The following KCNT1 variants were observed in gnomAD, a reference collection of about 807,000 sequenced individuals.
The protein encoded by KCNT1 is potassium channel subfamily T member 1.
Under a neutral mutation model 147.8 loss-of-function variants are expected in KCNT1, and 78 were observed. That is an observed-to-expected ratio of 0.53 (90% CI 0.44 to 0.64). The LOEUF is 0.64. Among genes scored for constraint, KCNT1 ranks in the 30% least tolerant of loss-of-function variants. The pLI is 0.00. For synonymous variants in KCNT1, 867 were observed against 748.8 expected (o/e 1.16, Z -2.58); for missense variants, 1,419 against 1,750.3 (o/e 0.81, Z 3.38).
rs1427095585 is a variant in KCNT1, at chr9:135,793,321, A to C, written c.*1160A>C. On this transcript the variant is annotated 3_prime_UTR_variant, in exon 31 of 31. Coordinates refer to ENST00000371757, the MANE Select transcript of KCNT1 (RefSeq NM_020822.3). Reference sequence around the variant, plus strand: ...CTCGGGAACCAAATTGTATTTGGCTACTGGTGACTGGATCCTGGTAGCCAG... The same window carrying C: ...CTCGGGAACCAAATTGTATTTGGCTCCTGGTGACTGGATCCTGGTAGCCAG... 1 of 152,168 alleles carries C rather than the reference A, an allele frequency of 6.6e-6. No homozygotes were observed. The highest frequency in any genetic ancestry group is 1.5e-5 in the Non-Finnish European group (1 of 68,052). 9.4% of individuals were successfully genotyped at this position (152,168 alleles called of 1,614,324 possible).
chr9:135,781,996 C>A (rs1330078351), intron 24 of KCNT1, among the ~76,000 whole-genome samples: 1 of 152,158 alleles, frequency 6.6e-6, no homozygotes, highest in Non-Finnish European at 1.5e-5. Flanking sequence ...GACGGATCAC[C>A]TGAGGTCAGG....
In KCNT1 at chr9:135,780,991, C is replaced by A. The variant is rs142934538; in HGVS notation, c.2841+1521C>A. ...GGCTTGAAGTTTGGGTCAGCAAGCA[C>A]GCAGCCAACACGCTCCTGCCCGCCT... is the stretch of plus-strand genomic sequence containing the variant. On this transcript the variant is annotated intron_variant, in intron 24 of 30. Transcript: ENST00000371757. Among the ~76,000 whole-genome samples, 220 of 152,214 alleles carry A rather than the reference C, an allele frequency of 1.4e-3. 1 individual carries two copies. The highest frequency in any genetic ancestry group is 5.2e-3 in the African/African-American group (215 of 41,536).
chr9:135,749,810 T>C (rs1444090772), intron 2 of KCNT1, among the ~76,000 whole-genome samples: 1 of 152,218 alleles, frequency 6.6e-6, no homozygotes, highest in East Asian at 1.9e-4. Flanking sequence ...TGCCGCACCC[T>C]GAGCCCCAAC....
chr9:135,721,543 G>A (rs374736228), intron 2 of KCNT1, among the ~76,000 whole-genome samples: 5 of 152,188 alleles, frequency 3.3e-5, no homozygotes, highest in Admixed American at 6.5e-5. Flanking sequence ...GGAGGGTGCC[G>A]GCCATGCGCA....
chr9:135,742,434 C>A (rs1434054199), intron 2 of KCNT1, among the ~76,000 whole-genome samples: 1 of 152,216 alleles, frequency 6.6e-6, no homozygotes, highest in African/African-American at 2.4e-5. Context: ...GGTTGTCACC[C>A]CCCCATCTGG....
At chr9:135,706,086 A>G (rs1194725158) in intron 1 of KCNT1, among the ~76,000 whole-genome samples, 1 of 152,196 alleles carries the variant, frequency 6.6e-6, no homozygotes, top group East Asian at 1.9e-4. Flanking sequence ...CAGCACTGAG[A>G]TGCAGTAGCT....
chr9:135,736,930 G>A (rs1195179400), intron 2 of KCNT1: 5 of 296,812 alleles, frequency 1.7e-5, no homozygotes, highest in Non-Finnish European at 3.1e-5. Flanking sequence ...CCACCACAGC[G>A]CCCTGCTTCC....
chr9:135,761,270 C>T (rs192501488), intron 11 of KCNT1, among the ~76,000 whole-genome samples: 74 of 152,296 alleles, frequency 4.9e-4, no homozygotes, highest in Admixed American at 2.4e-3. Context: ...GTGTAAAGCT[C>T]GCCTCTCACC....
intron 2 of KCNT1, among the ~76,000 whole-genome samples, chr9:135,719,660 G>T (rs916841269): frequency 6.6e-6 from 1 of 152,204 alleles, no homozygotes; most frequent in Admixed American, 6.5e-5. Context: ...CATGAGAGGT[G>T]CCAGGAAGGC....
At chr9:135,779,557 C>G in intron 24 of KCNT1, 87 bp downstream of exon 24, 3 of 1,020,804 alleles carry the variant, frequency 2.9e-6, no homozygotes, top group South Asian at 1.3e-5. Context: ...GGGCCAGTGC[C>G]ATGGGAGGCT....
In KCNT1 at chr9:135,782,011, C is replaced by T. The variant is rs537249954; in HGVS notation, c.2842-2013C>T. On this transcript the variant is annotated intron_variant, in intron 24 of 30. Transcript: ENST00000371757. ...GACGGATCACCTGAGGTCAGGAGTTCGAGACCAGGCTGGCCAACATGGAGA... is the reference window on the plus strand; with the variant it reads ...GACGGATCACCTGAGGTCAGGAGTTTGAGACCAGGCTGGCCAACATGGAGA... Among the ~76,000 whole-genome samples the T allele has an allele frequency of 2.0e-4, 30 of 152,276 alleles. 1 individual carries two copies. The South Asian group carries it at 5.4e-3, about 27-fold the overall frequency.
intron 2 of KCNT1, among the ~76,000 whole-genome samples, chr9:135,736,040 C>T (rs1412381981): frequency 6.6e-6 from 1 of 152,252 alleles, no homozygotes; most frequent in Non-Finnish European, 1.5e-5. Context: ...GCCCGGTGCC[C>T]AGCCTGGCAT....
At chr9:135,706,926 T>C (rs1285356895) in intron 1 of KCNT1, among the ~76,000 whole-genome samples, 1 of 151,872 alleles carries the variant, frequency 6.6e-6, no homozygotes, top group Non-Finnish European at 1.5e-5. Context: ...CTCCCTAAAG[T>C]GGCCCAGCCC....
At chr9:135,715,586 C>G (rs1835692400) in intron 2 of KCNT1, among the ~76,000 whole-genome samples, 2 of 152,256 alleles carry the variant, frequency 1.3e-5, no homozygotes, top group African/African-American at 4.8e-5. Context: ...GCTCAGCTAG[C>G]AAATCCGCAC....
Position 135,714,883 on chromosome 9 carries a change from C to T in KCNT1, c.254+163C>T, listed in dbSNP as rs752814688. Among the ~76,000 whole-genome samples, 13 of 152,064 alleles carry T rather than the reference C, an allele frequency of 8.5e-5. No homozygotes were observed. The highest frequency in any genetic ancestry group is 1.6e-4 in the Non-Finnish European group (11 of 68,002). The stretch of plus-strand genomic sequence containing the variant: ...GGACGCAGAAGTTTCGGAGGGGGTG[C>T]GGGCAGGGGGAAGCATCTTCTCGGG... On this transcript the variant is annotated intron_variant, in intron 2 of 30. Transcript: ENST00000371757. The surrounding 1 kb of genome is among the most constrained non-coding windows in gnomAD (Gnocchi z 6.2).
chr9:135,763,350 A>G (rs1832040165), intron 11 of KCNT1, among the ~76,000 whole-genome samples: 1 of 152,258 alleles, frequency 6.6e-6, no homozygotes, highest in African/African-American at 2.4e-5. Flanking sequence ...CCCTTGAAGC[A>G]GAGTGATGAC....
In KCNT1 at chr9:135,771,038, C is replaced by T; in HGVS notation, c.1951C>T (p.Gln651Ter). The change falls in exon 18 of 31, where the codon CAG (glutamine) becomes TAG (stop). Residue 651 changes from glutamine (Q) to a stop codon, truncating the protein, a stop_gained. Transcript: ENST00000371757. LOFTEE classifies it high-confidence loss of function. ...GCGGAAGAAGAGGGCCTTCTCGGGG[C>T]AGGGGCTGCACGAGGGTCCGGCCCG... ...EKRKKRAFSG[Q>*]GLHEGPARLP... 1 of 1,613,136 alleles carries T rather than the reference C, an allele frequency of 6.2e-7. No homozygotes were observed. The highest frequency in any genetic ancestry group is 1.3e-5 in the African/African-American group (1 of 75,048).
intron 1 of KCNT1, among the ~76,000 whole-genome samples, chr9:135,713,091 G>A (rs961092847): frequency 5.9e-5 from 9 of 152,346 alleles, no homozygotes; most frequent in Admixed American, 1.3e-4. Flanking sequence ...AAAGGCAGAC[G>A]GGGTGGGGAC....
In KCNT1 at chr9:135,769,269, G is replaced by A. The variant is rs571101929; in HGVS notation, c.1510+332G>A. On this transcript the variant is annotated intron_variant, in intron 15 of 30. Transcript: ENST00000371757. ...TGTCTGGGGCAGGGCGCGTGTGCAT[G>A]CTGTTGGGTGATGGTGCGTCTGGGG... is the stretch of plus-strand genomic sequence containing the variant. 1.9e-3 allele frequency among the ~76,000 whole-genome samples: 254 copies of A among 130,458 alleles called. 1 individual carries two copies. Among genetic ancestry groups the A allele is most frequent in the African/African-American group, 7.0e-3 (237 of 34,076 alleles). The allele number at this position is 130,458 out of a possible 152,430, so 85.6% of individuals were successfully genotyped here. A position where few individuals can be genotyped will look rare whatever the true frequency, so the allele number is the denominator to read the frequency against.
Sources: gnomAD v4.1 joint callset for allele counts (sites outside exome capture counted in the v4.1 genomes callset) on GRCh38, gnomAD v4.1.1 for gene constraint, Gnocchi (gnomAD v3.1) non-coding constraint, MANE v1.5 for transcripts, NCBI Gene and HGNC (gene_info 2026-07-23, HGNC 2026-07-21) for gene names.